Variants in XPO7 observed in about 807,000 individuals in gnomAD.
XPO7 encodes exportin-7.
XPO7 carries 21 observed loss-of-function variants against 144.3 expected under a neutral mutation model. That is an observed-to-expected ratio of 0.15 (90% CI 0.10 to 0.21). The LOEUF (loss-of-function observed/expected upper bound fraction) is 0.21, where lower values mean the gene tolerates loss of function less well. Among genes scored for constraint, XPO7 ranks in the 10% least tolerant of loss-of-function variants. The pLI is 1.00. For missense variants in XPO7, 808 were observed against 1,325.8 expected, an observed-to-expected ratio of 0.61 and a Z score of 6.06; for synonymous variants, 580 against 499.6, an observed-to-expected ratio of 1.16 and a Z score of -2.15.
chr8:21,999,571 A>G lies in XPO7; in HGVS notation c.2679A>G (p.Leu893=). Reference sequence around the variant, plus strand: ...AGCTCAGCCAGTCTTATTATTCACTACTGGAAGTCCTGACCCAGGACCATA... The same window carrying G: ...AGCTCAGCCAGTCTTATTATTCACTGCTGGAAGTCCTGACCCAGGACCATA... The part of the protein sequence containing the change: ...YPKLSQSYYS[L]LEVLTQDHMN... The change falls in exon 24 of 28, where the codon CTA becomes CTG. Residue 893 remains leucine, a synonymous_variant. Transcript: ENST00000252512. The G allele has an allele frequency of 6.2e-7, 1 of 1,613,966 alleles. No individual in the cohort carries two copies.
At chr8:21,924,441 C>T (rs138767214) in intron 1 of XPO7, among the ~76,000 whole-genome samples, 4 of 150,054 alleles carry the variant, frequency 2.7e-5, no homozygotes, top group African/African-American at 4.9e-5. Flanking sequence ...CTACCTGTAG[C>T]CCCCCTCCCC....
At chr8:21,977,319 G>A (rs909765244) in intron 7 of XPO7, among the ~76,000 whole-genome samples, 8 of 152,202 alleles carry the variant, frequency 5.3e-5, no homozygotes, top group African/African-American at 1.7e-4. Context: ...GGTGGCTCAC[G>A]CCTGTAATCC....
chr8:21,945,652 G>A (rs1811168163), intron 1 of XPO7, among the ~76,000 whole-genome samples: 1 of 152,170 alleles, frequency 6.6e-6, no homozygotes, highest in African/African-American at 2.4e-5. Flanking sequence ...TAAATACATA[G>A]TCGGCCTTAC....
In XPO7 at chr8:21,999,625, C is replaced by T. The variant is rs1006606782; in HGVS notation, c.2733C>T (p.His911=). ...ACTTTATTGCAAGCCTGGAACCTCACGTCATCATGTATATTCTCTCTTCCA... is the reference window on the plus strand; with the variant it reads ...ACTTTATTGCAAGCCTGGAACCTCATGTCATCATGTATATTCTCTCTTCCA... ...HMNFIASLEP[H]VIMYILSSIS... The change falls in exon 24 of 28, where the codon CAC becomes CAT. Residue 911 remains histidine (H), a synonymous_variant. Coordinates refer to ENST00000252512, the MANE Select transcript of XPO7 (RefSeq NM_015024.5). 18 of 1,613,864 alleles carry T rather than the reference C, an allele frequency of 1.1e-5. No individual in the cohort carries two copies. The highest frequency in any genetic ancestry group is 1.6e-4 in the Middle Eastern group (1 of 6,084).
At chr8:21,964,416 A>C (rs978113962) in intron 1 of XPO7, 1 of 152,232 alleles carries the variant, frequency 6.6e-6, no homozygotes, top group South Asian at 2.1e-4. Context: ...AGGCCAAAAA[A>C]AAAGATGATT....
intron 1 of XPO7, among the ~76,000 whole-genome samples, chr8:21,965,800 G>A (rs190758724): frequency 8.9e-4 from 136 of 152,300 alleles, no homozygotes; most frequent in Non-Finnish European, 1.5e-3. Context: ...CAGACTGGCT[G>A]TGTAATATAT....
chr8:22,000,647 G>A (rs1585485599), intron 24 of XPO7, among the ~76,000 whole-genome samples: 1 of 151,984 alleles, frequency 6.6e-6, no homozygotes, highest in African/African-American at 2.4e-5. Context: ...TAGAGACGGA[G>A]TTTCACTGTG....
At chr8:21,983,767 C>T (rs760764232) in intron 11 of XPO7, among the ~76,000 whole-genome samples, 2 of 152,196 alleles carry the variant, frequency 1.3e-5, no homozygotes, top group African/African-American at 2.4e-5. Context: ...AGGCCTGCCT[C>T]ATAAGGTTCT....
At chr8:21,960,549 A>G (rs2054711) in intron 1 of XPO7, among the ~76,000 whole-genome samples, 55,633 of 152,214 alleles carry the variant, frequency 0.37, 10,648 homozygotes, top group Non-Finnish European at 0.43. Context: ...TGTGTTTATT[A>G]CAAGTTAGAA....
At chr8:21,996,919 C>CT (rs1812968900) in intron 21 of XPO7, among the ~76,000 whole-genome samples, 1 of 152,162 alleles carries the variant, frequency 6.6e-6, no homozygotes, top group African/African-American at 2.4e-5. Context: ...AGCGATTCTC[C>CT]TGCCTCAGCC....
In XPO7 at chr8:21,990,353, C is replaced by T. The variant is rs191719459; in HGVS notation, c.1878C>T (p.Ser626=). The part of the protein sequence containing the change: ...LLNDLSIGYS[S]VRKLVKLSAV... ...CTTCCTTTGTCTTCACGTACAGTAG[C>T]GTAAGGAAGCTAGTGAAGCTTAGTG... Residue 626 remains serine, a synonymous_variant, in exon 17 of 28, where the codon AGC becomes AGT. Coordinates refer to ENST00000252512, the MANE Select transcript of XPO7 (RefSeq NM_015024.5). 9 of 1,613,678 alleles carry T rather than the reference C, an allele frequency of 5.6e-6. No individual in the cohort carries two copies. Among genetic ancestry groups the T allele is most frequent in the East Asian group, 2.2e-5 (1 of 44,866 alleles).
intron 2 of XPO7, among the ~76,000 whole-genome samples, chr8:21,968,894 C>T (rs1811966188): frequency 6.6e-6 from 1 of 152,188 alleles, no homozygotes. Flanking sequence ...TATTCCATTG[C>T]TTAAGGCATA....
chr8:21,932,120 C>A (rs61021993), intron 1 of XPO7, among the ~76,000 whole-genome samples: 2 of 152,086 alleles, frequency 1.3e-5, no homozygotes, highest in African/African-American at 4.8e-5. Flanking sequence ...GTGATCCGCA[C>A]GCCTCCCAAA....
At chr8:21,977,714 C>T in intron 7 of XPO7, 56 bp from the exon 8 acceptor site, 1 of 1,518,772 alleles carries the variant, frequency 6.6e-7, no homozygotes, top group South Asian at 1.1e-5. Context: ...TGGAAGTATG[C>T]CAGCGGCAAT....
chr8:22,001,090 A>G (rs963403635), intron 24 of XPO7, among the ~76,000 whole-genome samples: 6 of 152,098 alleles, frequency 3.9e-5, no homozygotes, highest in Admixed American at 3.9e-4. Context: ...TGAGGCGGGC[A>G]GATCACAAGG....
In XPO7 at chr8:21,970,210, T is replaced by A; in HGVS notation, c.326T>A (p.Ile109Asn). 6.2e-7 allele frequency: 1 copy of A among 1,613,954 alleles called. No homozygotes were observed. Among genetic ancestry groups the A allele is most frequent in the Non-Finnish European group, 8.5e-7 (1 of 1,179,856 alleles). The stretch of plus-strand genomic sequence containing the variant: ...GCTACTTTCGTGACACAAGCACTTA[T>A]TCAGTTATATGCCAGAATCACAAAA... ...KLATFVTQAL[I>N]QLYARITKLG... The change falls in exon 4 of 28, where the codon ATT (isoleucine) becomes AAT (asparagine). Residue 109 changes from isoleucine (I) to asparagine (N), a missense_variant. Physicochemically the swap from Ile to Asn is moderately radical, Grantham distance 149 (BLOSUM62 -3). This residue lies in a region of XPO7 where 223 missense variants were observed against 368.8 expected (regional missense o/e 0.60). Transcript: ENST00000252512.
chr8:21,984,006 G>T (rs1400365206), intron 11 of XPO7, among the ~76,000 whole-genome samples: 3 of 152,186 alleles, frequency 2.0e-5, no homozygotes, highest in African/African-American at 4.8e-5. Flanking sequence ...AGTCAAAGAT[G>T]TGACAAAAGA....
chr8:21,946,583 A>AAC (rs2117279343), intron 1 of XPO7, among the ~76,000 whole-genome samples: 1 of 102,328 alleles, frequency 9.8e-6, no homozygotes, highest in East Asian at 2.7e-4. Flanking sequence ...TGAAAAAAAA[A>AAC]AACAAAAAAA....
chr8:21,964,512 A>T (rs1056578826), intron 1 of XPO7, among the ~76,000 whole-genome samples: 1 of 152,154 alleles, frequency 6.6e-6, no homozygotes, highest in African/African-American at 2.4e-5. Context: ...TTTCTCCTTC[A>T]TCGGTAGTGT....
Sources: gnomAD v4.1 joint callset for allele counts (sites outside exome capture counted in the v4.1 genomes callset) on GRCh38, gnomAD v4.1.1 for gene constraint, gnomAD v4.1.1 regional missense constraint, MANE v1.5 for transcripts, NCBI Gene and HGNC (gene_info 2026-07-23, HGNC 2026-07-21) for gene names.